The following SLF2 variants were observed in gnomAD, a reference collection of about 807,000 sequenced individuals.
The protein encoded by SLF2 is SMC5/6 complex localization factor 2.
A neutral mutation model predicts 124.3 loss-of-function variants in SLF2; 68 were observed. That is an observed-to-expected ratio of 0.55 (90% CI 0.45 to 0.67). The LOEUF (loss-of-function observed/expected upper bound fraction) is 0.67, where lower values mean the gene tolerates loss of function less well. Ranked by LOEUF, SLF2 falls within the 30% of genes least tolerant of loss-of-function variation. The probability of loss-of-function intolerance (pLI) is 0.00; values close to 1 mark genes in which losing one functional copy is unlikely to be tolerated. For missense variants in SLF2, 1,246 were observed against 1,373.7 expected (o/e 0.91, Z 1.47); for synonymous variants, 480 against 478.8 (o/e 1.00, Z -0.03).
chr10:100,942,601 C>G (rs189095819), intron 11 of SLF2, among the ~76,000 whole-genome samples: 5 of 152,262 alleles, frequency 3.3e-5, no homozygotes, highest in Non-Finnish European at 1.5e-5. Flanking sequence ...TCACTGCAAC[C>G]TCCACCTCCC....
chr10:100,938,501 G>A, intron 10 of SLF2, 94 bp from the exon 11 acceptor site: 1 of 1,231,402 alleles, frequency 8.1e-7, no homozygotes, highest in South Asian at 1.5e-5. Flanking sequence ...TAAAACCATT[G>A]TAATTATTCA....
chr10:100,932,828 A>G (rs868559183), intron 9 of SLF2, among the ~76,000 whole-genome samples: 1 of 151,886 alleles, frequency 6.6e-6, no homozygotes, highest in South Asian at 2.1e-4. Flanking sequence ...TGAGAGAGAA[A>G]GTTTGCTTTT....
At chr10:100,937,617 G>T (rs550211598) in intron 10 of SLF2, 140 bp downstream of exon 10, 30 of 626,052 alleles carry the variant, frequency 4.8e-5, no homozygotes, top group African/African-American at 3.2e-4. Flanking sequence ...CGTTTTTTTT[G>T]GTTTTTTTTT....
chr10:100,947,669 T>C, intron 14 of SLF2, 91 bp from the exon 15 acceptor site: 1 of 810,522 alleles, frequency 1.2e-6, no homozygotes. Flanking sequence ...ATATTTCCAA[T>C]TAGAACTAGA....
chr10:100,912,973 A>G lies in SLF2; in HGVS notation c.-138A>G. Reference sequence around the variant, plus strand: ...GCTCACGCCGGAGTCACTTCCGAAGAGAGAACCGCCATGAAGAGAGAAGGG... The same window carrying G: ...GCTCACGCCGGAGTCACTTCCGAAGGGAGAACCGCCATGAAGAGAGAAGGG... On this transcript the variant is annotated 5_prime_UTR_variant, in exon 1 of 20. Transcript: ENST00000238961. The G allele has an allele frequency of 1.1e-6, 1 of 891,614 alleles. No individual in the cohort carries two copies. The allele number at this position is 891,614 out of a possible 1,614,324, so 55.2% of individuals were successfully genotyped here. A position where few individuals can be genotyped will look rare whatever the true frequency, so the allele number is the denominator to read the frequency against.
intron 9 of SLF2, among the ~76,000 whole-genome samples, chr10:100,934,989 T>G (rs893882360): frequency 2.0e-5 from 3 of 152,154 alleles, no homozygotes; most frequent in Non-Finnish European, 4.4e-5. Context: ...AAGATAATAA[T>G]AGAAATACAA....
chr10:100,929,238 G>T, intron 6 of SLF2, 79 bp from the exon 7 acceptor site: 1 of 1,361,124 alleles, frequency 7.3e-7, no homozygotes, highest in South Asian at 1.7e-5. Flanking sequence ...TTTTCTTTGT[G>T]CTGCTTTTAG....
chr10:100,918,541 G>A, intron 4 of SLF2, 100 bp downstream of exon 4: 1 of 726,738 alleles, frequency 1.4e-6, no homozygotes, highest in South Asian at 1.8e-5. Flanking sequence ...TCCCTTCTTG[G>A]GGATGAATTA....
chr10:100,917,054 C>T lies in SLF2; in HGVS notation c.669C>T (p.Ser223=), dbSNP rs764665334. The change falls in exon 3 of 20, where the codon TCC becomes TCT. Residue 223 remains serine (S), a synonymous_variant. Coordinates refer to ENST00000238961, the MANE Select transcript of SLF2 (RefSeq NM_018121.4). ...SRSLSSRSSL[S]RHHPEESPLG... is the part of the protein sequence containing the mutation. Reference sequence around the variant, plus strand: ...GCCTTAGCAGCAGGAGCAGCCTGTCCAGGCACCACCCGGAAGAAAGCCCAC... The same window carrying T: ...GCCTTAGCAGCAGGAGCAGCCTGTCTAGGCACCACCCGGAAGAAAGCCCAC... 6.2e-7 allele frequency: 1 copy of T among 1,614,186 alleles called. No individual in the cohort carries two copies.
Position 100,916,846 on chromosome 10 carries a change from C to T in SLF2, c.461C>T (p.Ser154Leu), listed in dbSNP as rs1330415819. The T allele has an allele frequency of 1.9e-6, 3 of 1,614,164 alleles. No homozygotes were observed. In the South Asian group the frequency reaches 3.3e-5, roughly 18 times the overall value. Reference protein sequence around the residue: ...AKGTNIYVPSSYHLPKEMKSL... With the variant: ...AKGTNIYVPSLYHLPKEMKSL... ...GGAACAAATATCTATGTTCCTTCTT[C>T]ATATCACTTGCCAAAGGAGATGAAG... The change falls in exon 3 of 20, where the codon TCA (serine) becomes TTA (leucine). Residue 154 changes from serine to leucine, a missense_variant. Coordinates refer to ENST00000238961, the MANE Select transcript of SLF2 (RefSeq NM_018121.4).
intron 18 of SLF2, among the ~76,000 whole-genome samples, chr10:100,957,032 A>T (rs893633355): frequency 1.3e-5 from 2 of 152,196 alleles, no homozygotes; most frequent in Admixed American, 6.5e-5. Flanking sequence ...AAGGAAAAAA[A>T]ATCTCAAAGC....
chr10:100,940,900 G>T (rs1471275857), intron 11 of SLF2, among the ~76,000 whole-genome samples: 1 of 149,648 alleles, frequency 6.7e-6, no homozygotes, highest in African/African-American at 2.5e-5. Flanking sequence ...CAGTGGCACG[G>T]TTATGGGTCA....
chr10:100,927,758 C>T (rs1196440561), intron 6 of SLF2, among the ~76,000 whole-genome samples: 1 of 152,050 alleles, frequency 6.6e-6, no homozygotes, highest in Non-Finnish European at 1.5e-5. Flanking sequence ...ATTATTTTAT[C>T]TTTGTTTTTT....
At position 100,950,673 on chromosome 10, in the gene SLF2, C is replaced by G; in HGVS notation, c.3253-3C>G. The G allele has an allele frequency of 6.2e-7, 1 of 1,610,160 alleles. No individual in the cohort carries two copies. The highest frequency in any genetic ancestry group is 8.5e-7 in the Non-Finnish European group (1 of 1,176,730). On this transcript the variant is annotated splice_region_variant and splice_polypyrimidine_tract_variant and intron_variant, in intron 16 of 19. Coordinates refer to ENST00000238961, the MANE Select transcript of SLF2 (RefSeq NM_018121.4). ...GTGTTAATTTTATTCATTTCTCTAA[C>G]AGGCATATTACCTGACCTACATTCT...
intron 5 of SLF2, among the ~76,000 whole-genome samples, 161 bp downstream of exon 5, chr10:100,925,133 T>C (rs1403615919): frequency 6.6e-6 from 1 of 152,214 alleles, no homozygotes; most frequent in Admixed American, 6.5e-5. Context: ...AGTTTCCATA[T>C]CTTTAGTTTT....
intron 8 of SLF2, among the ~76,000 whole-genome samples, chr10:100,930,568 A>G (rs1849711914): frequency 6.6e-6 from 1 of 152,236 alleles, no homozygotes; most frequent in Admixed American, 6.5e-5. Flanking sequence ...AGGCAAAAAT[A>G]GATGCTGGGA....
chr10:100,939,869 C>T (rs1168485609), intron 11 of SLF2, among the ~76,000 whole-genome samples: 1 of 152,140 alleles, frequency 6.6e-6, no homozygotes, highest in East Asian at 1.9e-4. Context: ...TGAAAATTCT[C>T]TTTCTACTCC....
At chr10:100,925,447 AC>A (rs1849596531) in intron 5 of SLF2, among the ~76,000 whole-genome samples, 1 of 152,084 alleles carries the variant, frequency 6.6e-6, no homozygotes, top group African/African-American at 2.4e-5. Flanking sequence ...CACCTTGCAC[AC>A]CCCCTGCTTT....
chr10:100,928,857 G>A (rs1048595853), intron 6 of SLF2, among the ~76,000 whole-genome samples: 1 of 152,206 alleles, frequency 6.6e-6, no homozygotes, highest in African/African-American at 2.4e-5. Flanking sequence ...GTGTTGTGAT[G>A]ATGATGACAG....
Sources: gnomAD v4.1 joint callset for allele counts (sites outside exome capture counted in the v4.1 genomes callset) on GRCh38, gnomAD v4.1.1 for gene constraint, MANE v1.5 for transcripts, NCBI Gene and HGNC (gene_info 2026-07-23, HGNC 2026-07-21) for gene names.